The following VPS8 variants were observed in gnomAD, a reference collection of about 807,000 sequenced individuals.
The protein encoded by VPS8 is VPS8 subunit of CORVET complex.
In VPS8, 129 loss-of-function variants were observed where a neutral mutation model predicts 216.4. That is an observed-to-expected ratio of 0.60 (90% CI 0.52 to 0.69). The LOEUF is 0.69. VPS8 is among the 30% of genes least tolerant of loss of function. The probability of loss-of-function intolerance (pLI) is 0.00; values close to 1 mark genes in which losing one functional copy is unlikely to be tolerated. For synonymous variants in VPS8, 571 were observed against 565.4 expected (o/e 1.01, Z -0.14); for missense variants, 1,531 against 1,683.5 (o/e 0.91, Z 1.59).
chr3:184,953,751 T>C (rs796886896), intron 36 of VPS8, among the ~76,000 whole-genome samples: 1 of 152,206 alleles, frequency 6.6e-6, no homozygotes, highest in South Asian at 2.1e-4. Context: ...ATCAGGTTGC[T>C]CATTTACTTC....
chr3:185,033,161 A>G (rs188195778), intron 46 of VPS8, among the ~76,000 whole-genome samples: 318 of 152,286 alleles, frequency 2.1e-3, no homozygotes, highest in Admixed American at 3.1e-3. Context: ...CATGGTTTAC[A>G]TTAGGGTTCA....
intron 29 of VPS8, among the ~76,000 whole-genome samples, 156 bp from the exon 30 acceptor site, chr3:184,924,706 A>G (rs1265893806): frequency 6.6e-6 from 1 of 152,082 alleles, no homozygotes; most frequent in Non-Finnish European, 1.5e-5. Context: ...GGTTGTGCTT[A>G]TTCTAAATGG....
Position 185,026,193 on chromosome 3 carries a change from A to T in VPS8, c.4056+1804A>T, listed in dbSNP as rs572721859. Among the ~76,000 whole-genome samples the T allele has an allele frequency of 5.9e-5, 9 of 152,046 alleles. No individual in the cohort carries two copies. The South Asian group carries it at 1.5e-3, about 25-fold the overall frequency. On this transcript the variant is annotated intron_variant, in intron 46 of 47. Transcript: ENST00000625842. ...TGAAGATATATGGGGGAAAAATGAT[A>T]AAAAAAATAATGATACAACAATAAA...
intron 40 of VPS8, among the ~76,000 whole-genome samples, chr3:184,977,107 C>CGCA (rs1395931921): frequency 1.3e-5 from 2 of 152,144 alleles, no homozygotes; most frequent in Non-Finnish European, 2.9e-5. Flanking sequence ...CCCTTTCCTC[C>CGCA]GCAGCGTTGT....
chr3:185,029,128 G>T (rs1757767151), intron 46 of VPS8, among the ~76,000 whole-genome samples: 2 of 152,148 alleles, frequency 1.3e-5, no homozygotes, highest in Non-Finnish European at 2.9e-5. Flanking sequence ...TACTTCCTTA[G>T]TTGGGTATAT....
rs1745792656 is a variant in VPS8, at chr3:184,957,411, T to C, written c.3073T>C (p.Ser1025Pro). The C allele has an allele frequency of 6.2e-7, 1 of 1,611,858 alleles. No individual in the cohort carries two copies. The highest frequency in any genetic ancestry group is 8.5e-7 in the Non-Finnish European group (1 of 1,178,924). Reference sequence around the variant, plus strand: ...TGTAAATCAAGAATTACTGCAAATATCTCCTTGTATCACAGAGCAGTTCAT... The same window carrying C: ...TGTAAATCAAGAATTACTGCAAATACCTCCTTGTATCACAGAGCAGTTCAT... ...IHVNQELLQI[S>P]PCITEQFIEL... Residue 1025 changes from serine to proline, a missense_variant, in exon 37 of 48, where the codon TCT (serine) becomes CCT (proline). Ser to Pro is a moderately conservative substitution (Grantham distance 74). This residue lies in a region of VPS8 where 1,318 missense variants were observed against 1,468.4 expected (regional missense o/e 0.90). Coordinates refer to ENST00000625842, the MANE Select transcript of VPS8 (RefSeq NM_001009921.3).
At chr3:184,959,593 A>G (rs1705352950) in intron 37 of VPS8, among the ~76,000 whole-genome samples, 1 of 152,224 alleles carries the variant, frequency 6.6e-6, no homozygotes, top group Non-Finnish European at 1.5e-5. Context: ...AAAAAGTATC[A>G]GCAGTGTTTC....
At chr3:184,823,015 G>A (rs1560259082) in intron 1 of VPS8, among the ~76,000 whole-genome samples, 1 of 152,114 alleles carries the variant, frequency 6.6e-6, no homozygotes, top group Non-Finnish European at 1.5e-5. Flanking sequence ...AGAAAAGTTG[G>A]TTTCAGCTCT....
intron 45 of VPS8, among the ~76,000 whole-genome samples, chr3:185,000,991 G>A (rs1194924953): frequency 6.6e-6 from 1 of 152,170 alleles, no homozygotes; most frequent in African/African-American, 2.4e-5. Context: ...AGATAACAAT[G>A]TAGAACTTCT....
At chr3:185,015,273 G>A (rs1002717706) in intron 45 of VPS8, among the ~76,000 whole-genome samples, 1 of 152,318 alleles carries the variant, frequency 6.6e-6, no homozygotes, top group South Asian at 2.1e-4. Flanking sequence ...GGAAGAAAGA[G>A]GTGTATGAGC....
At chr3:184,911,593 A>C (rs1736544753) in intron 25 of VPS8, among the ~76,000 whole-genome samples, 1 of 152,336 alleles carries the variant, frequency 6.6e-6, no homozygotes, top group East Asian at 1.9e-4. Flanking sequence ...CATTTGTCTC[A>C]TGCTCAGTGA....
At chr3:184,830,673 C>T (rs1387766010) in intron 3 of VPS8, among the ~76,000 whole-genome samples, 1 of 152,100 alleles carries the variant, frequency 6.6e-6, no homozygotes, top group Admixed American at 6.6e-5. Flanking sequence ...TTAATTATGT[C>T]CCCAGGCTTT....
intron 7 of VPS8, among the ~76,000 whole-genome samples, chr3:184,842,751 G>T (rs570410976): frequency 1.2e-4 from 19 of 152,234 alleles, no homozygotes; most frequent in African/African-American, 4.6e-4. Flanking sequence ...AGAGGCCCAG[G>T]TCATTAAGAA....
rs375445599 is a variant in VPS8, at chr3:185,044,044, G to A, written c.4057-4435G>A. The stretch of plus-strand genomic sequence containing the variant: ...GTCTCTACTAAAAATACAAAAATTA[G>A]CTGGGCATGGTGGCATGCATCTGTA... On this transcript the variant is annotated intron_variant, in intron 46 of 47. Coordinates refer to ENST00000625842, the MANE Select transcript of VPS8 (RefSeq NM_001009921.3). Among the ~76,000 whole-genome samples, 381 of 152,226 alleles carry A rather than the reference G, an allele frequency of 2.5e-3. 2 individuals carry two copies. The highest frequency in any genetic ancestry group is 8.7e-3 in the African/African-American group (363 of 41,542).
chr3:184,812,963 G>T (rs995672610), intron 1 of VPS8, among the ~76,000 whole-genome samples: 5 of 152,224 alleles, frequency 3.3e-5, no homozygotes, highest in Non-Finnish European at 5.9e-5. Flanking sequence ...GTGCACCAGA[G>T]TGAGGGCAGC....
intron 36 of VPS8, among the ~76,000 whole-genome samples, chr3:184,955,759 T>C (rs1031752315): frequency 9.4e-4 from 139 of 148,142 alleles, no homozygotes; most frequent in African/African-American, 3.3e-3. Flanking sequence ...GTTCAATATA[T>C]ATTTACATCA....
At chr3:184,956,547 G>A (rs143435355) in intron 36 of VPS8, among the ~76,000 whole-genome samples, 80 of 152,238 alleles carry the variant, frequency 5.3e-4, no homozygotes, top group African/African-American at 1.3e-3. Flanking sequence ...GAGGAATTCC[G>A]AAGAGAAGAT....
chr3:184,983,420 T>C (rs1699435388), intron 42 of VPS8, among the ~76,000 whole-genome samples: 1 of 152,200 alleles, frequency 6.6e-6, no homozygotes, highest in Non-Finnish European at 1.5e-5. Flanking sequence ...CTGATTATAA[T>C]TTTTAGATTC....
At chr3:184,935,186 G>T (rs926218149) in intron 34 of VPS8, among the ~76,000 whole-genome samples, 3 of 151,934 alleles carry the variant, frequency 2.0e-5, no homozygotes, top group Non-Finnish European at 4.4e-5. Flanking sequence ...ATCAATTCAG[G>T]CTATTTCTTC....
Sources: allele counts gnomAD v4.1 joint callset (sites outside exome capture counted in the v4.1 genomes callset), GRCh38; gene constraint gnomAD v4.1.1; regional missense constraint gnomAD v4.1.1; transcripts MANE v1.5; gene names NCBI Gene and HGNC (gene_info 2026-07-23, HGNC 2026-07-21).